RAB11FIP4: variants seen among roughly 807,000 people sequenced by gnomAD.
RAB11FIP4 encodes the protein rab11 family-interacting protein 4.
Under a neutral mutation model 74.3 loss-of-function variants are expected in RAB11FIP4, and 23 were observed. The observed-to-expected ratio is 0.31, with a 90% CI of 0.22 to 0.44. RAB11FIP4 has a LOEUF of 0.44. Ranked by LOEUF, RAB11FIP4 falls within the 20% of genes least tolerant of loss-of-function variation. The pLI is 1.00. For synonymous variants in RAB11FIP4, 360 were observed against 359.9 expected, an observed-to-expected ratio of 1.00 and a Z score of 0.00; for missense variants, 630 against 863.9, an observed-to-expected ratio of 0.73 and a Z score of 3.39.
At chr17:31,477,861 A>G (rs1205600160) in intron 3 of RAB11FIP4, among the ~76,000 whole-genome samples, 4 of 152,138 alleles carry the variant, frequency 2.6e-5, no homozygotes, top group Non-Finnish European at 5.9e-5. Context: ...TCTGAGCCTC[A>G]GTTTCCCCAT....
chr17:31,480,619 C>T (rs1481189868), intron 3 of RAB11FIP4, among the ~76,000 whole-genome samples: 1 of 151,916 alleles, frequency 6.6e-6, no homozygotes, highest in Non-Finnish European at 1.5e-5. Context: ...GAAACCCTCT[C>T]TCTACTAAAA....
intron 2 of RAB11FIP4, 128 bp downstream of exon 2, chr17:31,432,028 T>C: frequency 1.4e-6 from 1 of 695,904 alleles, no homozygotes; most frequent in East Asian, 2.8e-5. Context: ...GGGCCAGAAG[T>C]CGGTTCTGCC....
intron 3 of RAB11FIP4, among the ~76,000 whole-genome samples, chr17:31,492,973 A>C (rs1301107160): frequency 6.6e-6 from 1 of 152,112 alleles, no homozygotes; most frequent in African/African-American, 2.4e-5. Context: ...GGAGGAGAAC[A>C]TAGGCAACCA....
In RAB11FIP4 at chr17:31,533,451, A is replaced by G. The variant is rs2072906362; in HGVS notation, c.*1719A>G. ...GACGCGGGTCTCCTTGGGCTCCCCC[A>G]AGGGTTCTGCGAAGAGGCAGTGGAA... On this transcript the variant is annotated 3_prime_UTR_variant, in exon 15 of 15. Transcript: ENST00000621161. The G allele has an allele frequency of 6.6e-6, 1 of 152,248 alleles. No individual in the cohort carries two copies. The highest frequency in any genetic ancestry group is 2.1e-4 in the South Asian group (1 of 4,828). The allele number at this position is 152,248 out of a possible 1,614,324, so 9.4% of individuals were successfully genotyped here.
At chr17:31,479,376 A>G (rs1377504423) in intron 3 of RAB11FIP4, among the ~76,000 whole-genome samples, 1 of 152,216 alleles carries the variant, frequency 6.6e-6, no homozygotes, top group Non-Finnish European at 1.5e-5. Flanking sequence ...CCGCTAATTC[A>G]AAAATCAAGT....
chr17:31,427,570 T>C (rs938342417), intron 1 of RAB11FIP4, among the ~76,000 whole-genome samples: 3 of 152,236 alleles, frequency 2.0e-5, no homozygotes, highest in African/African-American at 7.2e-5. Flanking sequence ...CCTGCACTCC[T>C]GCCTCCTAGG....
At chr17:31,530,179 C>A in intron 13 of RAB11FIP4, 147 bp from the exon 14 acceptor site, 1 of 1,056,744 alleles carries the variant, frequency 9.5e-7, no homozygotes, top group Non-Finnish European at 1.4e-6. Context: ...AAGGCTGCAA[C>A]ATCTATGGCC....
chr17:31,466,036 C>A (rs1047498384), intron 3 of RAB11FIP4, among the ~76,000 whole-genome samples: 1 of 150,440 alleles, frequency 6.6e-6, no homozygotes, highest in East Asian at 2.0e-4. Context: ...CCCAGCTACT[C>A]GGGAGGGCGA....
intron 3 of RAB11FIP4, chr17:31,488,056 T>A (rs2071931478): frequency 8.9e-6 from 9 of 1,013,188 alleles, no homozygotes; most frequent in Non-Finnish European, 1.1e-5. Flanking sequence ...CAAAGAGCCC[T>A]TCGGCCCACG....
chr17:31,514,194 G>A (rs2072504116), intron 3 of RAB11FIP4, among the ~76,000 whole-genome samples: 1 of 152,258 alleles, frequency 6.6e-6, no homozygotes, highest in African/African-American at 2.4e-5. Context: ...TCAGGGGCTT[G>A]GGCCAGCTGC....
At chr17:31,520,755 C>T (rs2072649015) in intron 4 of RAB11FIP4, among the ~76,000 whole-genome samples, 2 of 152,234 alleles carry the variant, frequency 1.3e-5, no homozygotes, top group African/African-American at 4.8e-5. Flanking sequence ...ATCCGCCCGC[C>T]TCGGCCTCCC....
chr17:31,523,262 G>T, intron 7 of RAB11FIP4: 1 of 543,696 alleles, frequency 1.8e-6, no homozygotes, highest in Non-Finnish European at 3.3e-6. Context: ...TTCTGAGGCC[G>T]CAGGAGAAGC....
chr17:31,481,331 T>A (rs968178585), intron 3 of RAB11FIP4, among the ~76,000 whole-genome samples: 3 of 151,712 alleles, frequency 2.0e-5, no homozygotes, highest in Non-Finnish European at 4.4e-5. Context: ...ATTCCAAGCG[T>A]TTTTTAAGTT....
At chr17:31,513,023 C>T (rs1209691973) in intron 3 of RAB11FIP4, among the ~76,000 whole-genome samples, 4 of 152,046 alleles carry the variant, frequency 2.6e-5, no homozygotes, top group Admixed American at 1.3e-4. Flanking sequence ...CTTGGGTGGG[C>T]GCCTCTGTGG....
intron 1 of RAB11FIP4, among the ~76,000 whole-genome samples, chr17:31,395,494 C>T (rs1379185343): frequency 1.3e-5 from 2 of 152,162 alleles, no homozygotes; most frequent in Non-Finnish European, 2.9e-5. Context: ...GTGATGATGG[C>T]ATACACCCTT....
Position 31,391,795 on chromosome 17 carries a change from C to A in RAB11FIP4, c.-58C>A. 1 of 974,148 alleles carries A rather than the reference C, an allele frequency of 1.0e-6. No homozygotes were observed. Among genetic ancestry groups the A allele is most frequent in the Non-Finnish European group, 1.2e-6 (1 of 822,264 alleles). The allele number at this position is 974,148 out of a possible 1,614,324, so 60.3% of individuals were successfully genotyped here. ...GGAGGGCGCGCGGCGATGGCGGCGG[C>A]GGGCAGGCGGCGGGCGCGGCGGGCG... is the stretch of plus-strand genomic sequence containing the variant. On this transcript the variant is annotated 5_prime_UTR_variant, in exon 1 of 15. Coordinates refer to ENST00000621161, the MANE Select transcript of RAB11FIP4 (RefSeq NM_032932.6).
intron 3 of RAB11FIP4, among the ~76,000 whole-genome samples, chr17:31,474,989 G>T (rs2071777499): frequency 6.6e-6 from 1 of 152,178 alleles, no homozygotes; most frequent in South Asian, 2.1e-4. Flanking sequence ...TGGTGTTCAG[G>T]GAGGAACTTG....
At chr17:31,437,042 G>A (rs977509209) in intron 3 of RAB11FIP4, among the ~76,000 whole-genome samples, 2 of 151,892 alleles carry the variant, frequency 1.3e-5, no homozygotes, top group Non-Finnish European at 2.9e-5. Context: ...CACCCGCCTC[G>A]GCCTCCCAAT....
intron 3 of RAB11FIP4, among the ~76,000 whole-genome samples, chr17:31,455,047 C>T (rs2071566157): frequency 1.3e-5 from 2 of 152,226 alleles, no homozygotes; most frequent in Admixed American, 6.5e-5. Context: ...TTCTCCTCTA[C>T]CCTTTTATGT....
Sources: allele counts gnomAD v4.1 joint callset (sites outside exome capture counted in the v4.1 genomes callset), GRCh38; gene constraint gnomAD v4.1.1; transcripts MANE v1.5; gene names NCBI Gene and HGNC (gene_info 2026-07-23, HGNC 2026-07-21).